PNPLA6: variants seen among roughly 807,000 people sequenced by gnomAD.
PNPLA6 encodes the protein patatin like domain 6, lysophospholipase.
PNPLA6 carries 105 observed loss-of-function variants against 153.7 expected under a neutral mutation model. That is an observed-to-expected ratio of 0.68 (90% CI 0.58 to 0.80). The LOEUF is 0.80. PNPLA6 is among the 30% of genes least tolerant of loss of function. PNPLA6 has a pLI of 0.00. For missense variants in PNPLA6, 1,423 were observed against 1,919.3 expected, an observed-to-expected ratio of 0.74 and a Z score of 4.83; for synonymous variants, 825 against 822.2, an observed-to-expected ratio of 1.00 and a Z score of -0.06.
intron 3 of PNPLA6, among the ~76,000 whole-genome samples, chr19:7,538,573 C>T (rs746123026): frequency 2.0e-5 from 3 of 152,146 alleles, no homozygotes; most frequent in Admixed American, 6.5e-5. Context: ...CTTTTGCCAG[C>T]GGAGGGTCTT....
chr19:7,557,313 C>T (rs367609203), intron 27 of PNPLA6, 29 bp downstream of exon 27: 28 of 1,342,738 alleles, frequency 2.1e-5, no homozygotes, highest in South Asian at 4.7e-5. Context: ...CACCCGCACA[C>T]GCAAGCACCT....
chr19:7,552,755 C>CAA (rs561292553), intron 18 of PNPLA6, among the ~76,000 whole-genome samples: 2 of 43,802 alleles, frequency 4.6e-5, no homozygotes, highest in Non-Finnish European at 1.2e-4. Flanking sequence ...AACTCCATCT[C>CAA]AAAAAAAAAA....
chr19:7,549,805 C>A, intron 13 of PNPLA6, 102 bp from the exon 14 acceptor site: 2 of 1,185,864 alleles, frequency 1.7e-6, no homozygotes, highest in Non-Finnish European at 2.4e-6. Context: ...TTTTTCTTAA[C>A]CCTTCCTTTC....
rs1254986624 is a variant in PNPLA6, at chr19:7,550,368, G to A, written c.1885G>A (p.Val629Met). ...HTVAARMSPF[V>M]RQMDFAIDWT... ...GGTGGCAGCCAGGATGTCGCCCTTC[G>A]TGCGCCAGATGGACTTCGCCATCGA... Residue 629 changes from valine (V) to methionine (M), a missense_variant, in exon 15 of 32, where the codon GTG (valine) becomes ATG (methionine). Physicochemically the swap from Val to Met is conservative, Grantham distance 21 (BLOSUM62 1). Around this residue, in one of 10 missense-constraint regions of PNPLA6, gnomAD observed 119 missense variants for 163.7 expected, o/e 0.73. Coordinates refer to ENST00000600737, the MANE Select transcript of PNPLA6 (RefSeq NM_001166114.2). 1 of 1,612,192 alleles carries A rather than the reference G, an allele frequency of 6.2e-7. No individual in the cohort carries two copies. Among genetic ancestry groups the A allele is most frequent in the African/African-American group, 1.3e-5 (1 of 75,080 alleles).
At position 7,551,053 on chromosome 19, in the gene PNPLA6, G is replaced by A. The variant is rs1473589552; in HGVS notation, c.2130G>A (p.Glu710=). The A allele has an allele frequency of 3.2e-6, 5 of 1,549,950 alleles. No individual in the cohort carries two copies. Among genetic ancestry groups the A allele is most frequent in the Admixed American group, 2.0e-5 (1 of 51,034 alleles). ...ATTVHAVRDT[E]LAKLPEGTLG... is the part of the protein sequence containing the mutation. ...CGGTGCACGCGGTGCGCGACACGGA[G>A]CTGGCCAAGCTTCCCGAGGGCACCT... The change falls in exon 17 of 32, where the codon GAG becomes GAA. Residue 710 remains glutamate (E), a synonymous_variant. Coordinates refer to ENST00000600737, the MANE Select transcript of PNPLA6 (RefSeq NM_001166114.2).
At position 7,555,815 on chromosome 19, in the gene PNPLA6, T is replaced by A. The variant is rs774282544; in HGVS notation, c.3093+52T>A. On this transcript the variant is annotated intron_variant, in intron 24 of 31. Coordinates refer to ENST00000600737, the MANE Select transcript of PNPLA6 (RefSeq NM_001166114.2). The surrounding 1 kb of genome is among the most constrained non-coding windows in gnomAD (Gnocchi z 6.3). ...CACCCCAGGAGTGCCATAAAACCCGTGGTTCCAACCTAACCTGATCCCATG... is the reference window on the plus strand; with the variant it reads ...CACCCCAGGAGTGCCATAAAACCCGAGGTTCCAACCTAACCTGATCCCATG... 1.9e-6 allele frequency: 3 copies of A among 1,596,406 alleles called. No individual in the cohort carries two copies. The highest frequency in any genetic ancestry group is 2.2e-5 in the South Asian group (2 of 90,456).
chr19:7,561,270 G>C lies in PNPLA6; in HGVS notation c.3976G>C (p.Glu1326Gln). 6.2e-7 allele frequency: 1 copy of C among 1,610,810 alleles called. No individual in the cohort carries two copies. Among genetic ancestry groups the C allele is most frequent in the Non-Finnish European group, 8.5e-7 (1 of 1,179,152 alleles). The part of the protein sequence containing the change: ...EDAGPDCSRD[E>Q]GGSPEGASPS... ...CGCCGGACCCGACTGCTCGAGGGAT[G>C]AAGGGGGGTCCCCCGAGGGCGCAAG... is the stretch of plus-strand genomic sequence containing the variant. The change falls in exon 31 of 32, where the codon GAA (glutamate) becomes CAA (glutamine). Residue 1326 changes from glutamate (E) to glutamine (Q), a missense_variant. Coordinates refer to ENST00000600737, the MANE Select transcript of PNPLA6 (RefSeq NM_001166114.2).
At position 7,550,555 on chromosome 19, in the gene PNPLA6, A is replaced by G. The variant is rs1170739229; in HGVS notation, c.1985A>G (p.Asn662Ser). 5.6e-6 allele frequency: 9 copies of G among 1,613,238 alleles called. No individual in the cohort carries two copies. The highest frequency in any genetic ancestry group is 7.6e-6 in the Non-Finnish European group (9 of 1,179,898). ...TCCGACTGCACTTACATCGTGCTCA[A>G]TGGGCGGCTGCGTAGCGTGATCCAG... is the stretch of plus-strand genomic sequence containing the variant. ...DRSDCTYIVL[N>S]GRLRSVIQRG... is the part of the protein sequence containing the mutation. The change falls in exon 16 of 32, where the codon AAT becomes AGT. Residue 662 changes from asparagine (N) to serine (S), a missense_variant. Around this residue, in one of 10 missense-constraint regions of PNPLA6, gnomAD observed 63 missense variants for 166.2 expected, o/e 0.38. Coordinates refer to ENST00000600737, the MANE Select transcript of PNPLA6 (RefSeq NM_001166114.2).
In PNPLA6 at chr19:7,556,944, C is replaced by A. The variant is rs1291209130; in HGVS notation, c.3280+220C>A. On this transcript the variant is annotated intron_variant, in intron 26 of 31. Transcript: ENST00000600737. The stretch of plus-strand genomic sequence containing the variant: ...CAGGGAGACTCGTCGGACGCCTTAC[C>A]CCCCTCACGCCATCCCCGCAGGCTG... The A allele has an allele frequency of 5.8e-6, 4 of 687,196 alleles. No homozygotes were observed. In the South Asian group the frequency reaches 6.2e-5, roughly 11 times the overall value. The allele number at this position is 687,196 out of a possible 1,614,324, so 42.6% of individuals were successfully genotyped here.
Position 7,541,123 on chromosome 19 carries a change from G to A in PNPLA6, c.924+72G>A. The stretch of plus-strand genomic sequence containing the variant: ...GGCCCCCACCCATTCCAGGCTCCAA[G>A]GGACCGAGGCCCAGCAGCCAGCAGG... On this transcript the variant is annotated intron_variant, in intron 7 of 31. Coordinates refer to ENST00000600737, the MANE Select transcript of PNPLA6 (RefSeq NM_001166114.2). This position sits in a 1 kb window ranked among gnomAD's most constrained non-coding sequence, Gnocchi z 5.2. 6.6e-7 allele frequency: 1 copy of A among 1,512,176 alleles called. No individual in the cohort carries two copies. The highest frequency in any genetic ancestry group is 9.0e-7 in the Non-Finnish European group (1 of 1,110,580). 93.7% of individuals were successfully genotyped at this position (1,512,176 alleles called of 1,614,324 possible).
chr19:7,551,461 G>T (rs473899), intron 18 of PNPLA6, 24 bp downstream of exon 18: 3 of 1,599,218 alleles, frequency 1.9e-6, no homozygotes, highest in East Asian at 4.5e-5. Context: ...GGCCCAGAGC[G>T]TGCTGGGAGA....
intron 10 of PNPLA6, 140 bp from the exon 11 acceptor site, chr19:7,542,421 A>T: frequency 1.4e-6 from 1 of 721,390 alleles, no homozygotes; most frequent in Admixed American, 2.0e-5. Context: ...TGCAGCCTCG[A>T]ACTCCTATGC....
chr19:7,542,276 T>C (rs2023185484), intron 10 of PNPLA6, among the ~76,000 whole-genome samples: 1 of 152,234 alleles, frequency 6.6e-6, no homozygotes, highest in Non-Finnish European at 1.5e-5. Flanking sequence ...TGATTAGTCA[T>C]GTCTGCTACA....
intron 3 of PNPLA6, among the ~76,000 whole-genome samples, chr19:7,537,624 A>C (rs1438986300): frequency 6.6e-6 from 1 of 151,894 alleles, no homozygotes; most frequent in Non-Finnish European, 1.5e-5. Context: ...CTGCAATGGC[A>C]GTCCTTTCTT....
In PNPLA6 at chr19:7,541,982, A is replaced by C. The variant is rs1599276262; in HGVS notation, c.1169-2A>C. 6.2e-7 allele frequency: 1 copy of C among 1,607,722 alleles called. No homozygotes were observed. The highest frequency in any genetic ancestry group is 8.5e-7 in the Non-Finnish European group (1 of 1,179,392). On this transcript the variant is annotated splice_acceptor_variant, in intron 9 of 31. Transcript: ENST00000600737. LOFTEE classifies it high-confidence loss of function. The surrounding 1 kb of genome is among the most constrained non-coding windows in gnomAD (Gnocchi z 5.2). ...AGGAGCCTGAACATGTGTCTCCCCC[A>C]GGGGACCCTGTGAAGCCCACATCCC...
chr19:7,538,889 T>C (rs2022994888), intron 3 of PNPLA6, among the ~76,000 whole-genome samples: 1 of 152,212 alleles, frequency 6.6e-6, no homozygotes, highest in South Asian at 2.1e-4. Flanking sequence ...AGGACCCCCA[T>C]GATAAACACA....
rs2022878110 is a variant in PNPLA6, at chr19:7,536,499, C to T, written c.366C>T (p.Ser122=). 3 of 1,614,064 alleles carry T rather than the reference C, an allele frequency of 1.9e-6. No individual in the cohort carries two copies. Among genetic ancestry groups the T allele is most frequent in the Non-Finnish European group, 2.5e-6 (3 of 1,179,920 alleles). The change falls in exon 3 of 32, where the codon TCC becomes TCT. Residue 122 remains serine (S), a synonymous_variant. Coordinates refer to ENST00000600737, the MANE Select transcript of PNPLA6 (RefSeq NM_001166114.2). ...SLVDTSVSAT[S]RPRMRKKLKM... ...TGGATACCTCTGTCTCCGCCACCTC[C>T]CGGCCACGCATGAGGAAGAAACTGA...
chr19:7,550,333 C>T lies in PNPLA6; in HGVS notation c.1850C>T (p.Ala617Val), dbSNP rs1360212457. The change falls in exon 15 of 32, where the codon GCG becomes GTG. Residue 617 changes from alanine (A) to valine (V), a missense_variant. By Grantham distance (64) the Ala-to-Val change is moderately conservative. Coordinates refer to ENST00000600737, the MANE Select transcript of PNPLA6 (RefSeq NM_001166114.2). ...MRAQPSVVLS[A>V]AHTVAARMSP... Reference sequence around the variant, plus strand: ...GCACAGCCCAGTGTGGTGCTGAGTGCGGCGCACACGGTGGCAGCCAGGATG... The same window carrying T: ...GCACAGCCCAGTGTGGTGCTGAGTGTGGCGCACACGGTGGCAGCCAGGATG... 6.2e-7 allele frequency: 1 copy of T among 1,612,548 alleles called. No homozygotes were observed. The highest frequency in any genetic ancestry group is 8.5e-7 in the Non-Finnish European group (1 of 1,180,012).
chr19:7,536,152 C>T, intron 1 of PNPLA6, 39 bp from the exon 2 acceptor site: 1 of 1,521,404 alleles, frequency 6.6e-7, no homozygotes, highest in Non-Finnish European at 9.1e-7. Flanking sequence ...GTGGAGTCTG[C>T]ACAGAGCTCG....
Sources: gnomAD v4.1 joint callset for allele counts (sites outside exome capture counted in the v4.1 genomes callset) on GRCh38, gnomAD v4.1.1 for gene constraint, gnomAD v4.1.1 regional missense constraint, Gnocchi (gnomAD v3.1) non-coding constraint, MANE v1.5 for transcripts, NCBI Gene and HGNC (gene_info 2026-07-23, HGNC 2026-07-21) for gene names.